The following CLIP1 variants were observed in gnomAD, a reference collection of about 807,000 sequenced individuals.
The protein encoded by CLIP1 is CAP-Gly domain containing linker protein 1, also known as CAP-Gly domain-containing linker protein 1.
Under a neutral mutation model 161.6 loss-of-function variants are expected in CLIP1, and 66 were observed. The observed-to-expected ratio is 0.41, with a 90% CI of 0.33 to 0.50. The LOEUF (loss-of-function observed/expected upper bound fraction) is 0.50, where lower values mean the gene tolerates loss of function less well. CLIP1 is among the 20% of genes least tolerant of loss of function. CLIP1 has a pLI of 0.27. For synonymous variants in CLIP1, 598 were observed against 626.2 expected (o/e 0.96, Z 0.67); for missense variants, 1,376 against 1,702.0 (o/e 0.81, Z 3.37).
chr12:122,395,221 G>T (rs1344715755), intron 1 of CLIP1, among the ~76,000 whole-genome samples: 1 of 152,182 alleles, frequency 6.6e-6, no homozygotes, highest in Non-Finnish European at 1.5e-5. Flanking sequence ...CTATTCAACT[G>T]TGGAGTTTTC....
rs1364839155 is a variant in CLIP1 at position 122,311,659 on chromosome 12, G to A, written c.3474-1777C>T. On this transcript the variant is annotated intron_variant, in intron 19 of 25. Transcript: ENST00000620786. The surrounding 1 kb of genome is among the most constrained non-coding windows in gnomAD (Gnocchi z 4.3). ...AGGATGGTCTGGATCTCTTGACCTC[G>A]TGATCTGCCCGCCTCGGCCTCCCAA... Among the ~76,000 whole-genome samples, 7 of 152,036 alleles carry A rather than the reference G, an allele frequency of 4.6e-5. No homozygotes were observed. The East Asian group carries it at 7.7e-4, about 17-fold the overall frequency.
intron 3 of CLIP1, among the ~76,000 whole-genome samples, chr12:122,372,005 G>C (rs1954474689): frequency 6.6e-6 from 1 of 152,160 alleles, no homozygotes; most frequent in Admixed American, 6.5e-5. Context: ...AACTTGGCCG[G>C]GCACAGTGGC....
rs1425710922 is a variant in CLIP1 at position 122,396,896 on chromosome 12, A to C, written c.-106-16338T>G. Reference sequence around the variant, plus strand: ...ATCCTTCCACCTCAGCCTCCCAAGTAGCTGGGACTACAGGCAGACACCACC... The same window carrying C: ...ATCCTTCCACCTCAGCCTCCCAAGTCGCTGGGACTACAGGCAGACACCACC... On this transcript the variant is annotated intron_variant, in intron 1 of 25. Coordinates refer to ENST00000620786, the MANE Select transcript of CLIP1 (RefSeq NM_001247997.2). Among the ~76,000 whole-genome samples the C allele has an allele frequency of 2.7e-5, 4 of 145,642 alleles. No individual in the cohort carries two copies. The South Asian group carries it at 8.7e-4, about 32-fold the overall frequency.
intron 11 of CLIP1, 94 bp from the exon 12 acceptor site, chr12:122,336,842 T>C (rs942747693): frequency 1.9e-5 from 10 of 534,714 alleles, no homozygotes; most frequent in African/African-American, 7.8e-5. Flanking sequence ...AAAAAACTTA[T>C]GAGAAACATA....
Position 122,272,189 on chromosome 12 carries a change from T to C in CLIP1, c.*686A>G, listed in dbSNP as rs1456691805. On this transcript the variant is annotated 3_prime_UTR_variant, in exon 26 of 26. Coordinates refer to ENST00000620786, the MANE Select transcript of CLIP1 (RefSeq NM_001247997.2). ...TACATACAATATATAGAAGCTGAAA[T>C]TATGCAAAACTAATAAACAAAACAC... 2.0e-5 allele frequency: 3 copies of C among 152,502 alleles called. No homozygotes were observed. The highest frequency in any genetic ancestry group is 3.9e-4 in the East Asian group (2 of 5,194). The allele number at this position is 152,502 out of a possible 1,614,324, so 9.4% of individuals were successfully genotyped here.
At chr12:122,337,275 C>G (rs180735783) in intron 11 of CLIP1, among the ~76,000 whole-genome samples, 125 of 151,872 alleles carry the variant, frequency 8.2e-4, no homozygotes, top group Non-Finnish European at 1.4e-3. Context: ...TGGTGAAACC[C>G]TATCTCTACT....
At chr12:122,401,019 C>T (rs1956124615) in intron 1 of CLIP1, among the ~76,000 whole-genome samples, 1 of 150,176 alleles carries the variant, frequency 6.7e-6, no homozygotes, top group Admixed American at 6.7e-5. Context: ...TTAAGCAATT[C>T]TCATGCCTTA....
chr12:122,410,835 T>C (rs191692702), intron 1 of CLIP1, among the ~76,000 whole-genome samples: 24 of 152,184 alleles, frequency 1.6e-4, no homozygotes, highest in Admixed American at 5.9e-4. Flanking sequence ...AAACGGCCAA[T>C]AAGCACATGA....
chr12:122,380,585 T>C lies in CLIP1; in HGVS notation c.-106-27A>G, dbSNP rs1415948198. 13 of 526,606 alleles carry C rather than the reference T, an allele frequency of 2.5e-5. No individual in the cohort carries two copies. In the Middle Eastern group the frequency reaches 2.0e-3, roughly 81 times the overall value. The allele number at this position is 526,606 out of a possible 1,614,324, so 32.6% of individuals were successfully genotyped here. ...TGCAAAGAGAAAGAAATAAAAAGAT[T>C]TTATAATCTACAGGAGCAAGTAGGA... On this transcript the variant is annotated intron_variant, in intron 1 of 25. Coordinates refer to ENST00000620786, the MANE Select transcript of CLIP1 (RefSeq NM_001247997.2).
At position 122,377,385 on chromosome 12, in the gene CLIP1, T is replaced by G. The variant is rs1449454247; in HGVS notation, c.657+4A>C. The G allele has an allele frequency of 6.8e-6, 11 of 1,607,680 alleles. No individual in the cohort carries two copies. The East Asian group carries it at 2.5e-4, about 36-fold the overall frequency. Reference sequence around the variant, plus strand: ...AAATGACCTCAGAATGTTTCTCTACTCACCAATACTCTGTCTCCGATTTTG... The same window carrying G: ...AAATGACCTCAGAATGTTTCTCTACGCACCAATACTCTGTCTCCGATTTTG... On this transcript the variant is annotated splice_donor_region_variant and intron_variant, in intron 3 of 25. Transcript: ENST00000620786.
At chr12:122,359,733 C>G (rs1461816384) in intron 5 of CLIP1, among the ~76,000 whole-genome samples, 1 of 152,188 alleles carries the variant, frequency 6.6e-6, no homozygotes, top group Non-Finnish European at 1.5e-5. Context: ...GATTTCAGCA[C>G]CTGTCCCTTC....
chr12:122,372,782 C>A (rs1954520337), intron 3 of CLIP1, among the ~76,000 whole-genome samples: 1 of 152,066 alleles, frequency 6.6e-6, no homozygotes, highest in Admixed American at 6.6e-5. Context: ...ACAGCAAATC[C>A]TGCCACTAAC....
intron 23 of CLIP1, chr12:122,278,587 G>C: frequency 3.6e-6 from 2 of 554,488 alleles, no homozygotes; most frequent in South Asian, 6.2e-5. Context: ...GTAGGTTTGT[G>C]ACAATATTGA....
chr12:122,374,377 T>C (rs1341814237), intron 3 of CLIP1, among the ~76,000 whole-genome samples: 2 of 150,984 alleles, frequency 1.3e-5, no homozygotes, highest in Non-Finnish European at 2.9e-5. Context: ...TCCCAGCAGT[T>C]TGGGAGGCCG....
intron 1 of CLIP1, among the ~76,000 whole-genome samples, chr12:122,407,946 T>C (rs1442087096): frequency 6.6e-6 from 1 of 151,726 alleles, no homozygotes; most frequent in African/African-American, 2.4e-5. Flanking sequence ...TCATATTGGA[T>C]TGGGTTTTTT....
intron 1 of CLIP1, among the ~76,000 whole-genome samples, chr12:122,419,853 T>TCGGGAGGC (rs1956877381): frequency 6.7e-6 from 1 of 148,682 alleles, no homozygotes; most frequent in Admixed American, 6.8e-5. Context: ...GGAGAATTGC[T>TCGGGAGGC]TGAGCCTGGG....
chr12:122,289,793 C>G (rs999262722), intron 20 of CLIP1, among the ~76,000 whole-genome samples: 1 of 149,184 alleles, frequency 6.7e-6, no homozygotes, highest in Non-Finnish European at 1.5e-5. Context: ...AGTTTCAACT[C>G]ACACTGTTAA....
At chr12:122,294,933 A>G (rs949007302) in intron 20 of CLIP1, among the ~76,000 whole-genome samples, 1 of 151,610 alleles carries the variant, frequency 6.6e-6, no homozygotes, top group African/African-American at 2.4e-5. Flanking sequence ...ATGCACCTCT[A>G]TAATCCCAGC....
Position 122,377,671 on chromosome 12 carries a change from T to G in CLIP1, c.375A>C (p.Thr125=). 2 of 1,613,736 alleles carry G rather than the reference T, an allele frequency of 1.2e-6. No individual in the cohort carries two copies. Among genetic ancestry groups the G allele is most frequent in the Non-Finnish European group, 8.5e-7 (1 of 1,179,976 alleles). The change falls in exon 3 of 26, where the codon ACA becomes ACC. Residue 125 remains threonine (T), a synonymous_variant. Transcript: ENST00000620786. ...CTTCATCTTCTGCTTGCACCTTCCT[T>G]GTTAACTTTGAAGGTCGGGTAAATA... The part of the protein sequence containing the change: ...KGIFTRPSKL[T]RKVQAEDEAN...
Sources: gnomAD v4.1 joint callset for allele counts (sites outside exome capture counted in the v4.1 genomes callset) on GRCh38, gnomAD v4.1.1 for gene constraint, Gnocchi (gnomAD v3.1) non-coding constraint, MANE v1.5 for transcripts, NCBI Gene and HGNC (gene_info 2026-07-23, HGNC 2026-07-21) for gene names.